Variants in DCC observed in about 807,000 individuals in gnomAD.
The protein encoded by DCC is DCC netrin 1 receptor.
In DCC, 58 loss-of-function variants were observed where a neutral mutation model predicts 172.5. The ratio of observed to expected loss-of-function variants is 0.34; its 90% CI spans 0.27 to 0.42. The LOEUF (loss-of-function observed/expected upper bound fraction) is 0.42. Ranked by LOEUF, DCC falls within the 10% of genes least tolerant of loss-of-function variation. The pLI is 1.00. For synonymous variants in DCC, 709 were observed against 644.5 expected, an observed-to-expected ratio of 1.10 and a Z score of -1.52; for missense variants, 1,740 against 1,791.0, an observed-to-expected ratio of 0.97 and a Z score of 0.51.
chr18:53,363,952 A>G (rs2057974991), intron 15 of DCC, among the ~76,000 whole-genome samples: 1 of 152,212 alleles, frequency 6.6e-6, no homozygotes, highest in Non-Finnish European at 1.5e-5. Context: ...AATGTTCAAG[A>G]TCATTAACGT....
At chr18:53,144,270 G>T (rs899371467) in intron 7 of DCC, among the ~76,000 whole-genome samples, 8 of 152,026 alleles carry the variant, frequency 5.3e-5, no homozygotes, top group African/African-American at 1.9e-4. Flanking sequence ...CTTTTCATGG[G>T]TTCTGGTTTT....
intron 2 of DCC, among the ~76,000 whole-genome samples, chr18:52,869,105 G>A (rs1045550788): frequency 8.5e-5 from 13 of 152,252 alleles, no homozygotes; most frequent in Non-Finnish European, 1.6e-4. Flanking sequence ...CCCTTTGCCT[G>A]CAATGTGGCA....
chr18:53,128,266 GTTTA>G (rs2043594926), intron 7 of DCC, among the ~76,000 whole-genome samples: 1 of 152,008 alleles, frequency 6.6e-6, no homozygotes, highest in Non-Finnish European at 1.5e-5. Context: ...ACATAACCAT[GTTTA>G]TTTGTCTCTA....
intron 27 of DCC, among the ~76,000 whole-genome samples, chr18:53,525,432 T>G (rs2144612621): frequency 6.6e-6 from 1 of 152,226 alleles, no homozygotes; most frequent in Middle Eastern, 3.4e-3. Flanking sequence ...TTTTGATCCC[T>G]AAAGTTCAAG....
chr18:52,421,909 T>C (rs993384743), intron 1 of DCC, among the ~76,000 whole-genome samples: 11 of 152,304 alleles, frequency 7.2e-5, no homozygotes, highest in Middle Eastern at 3.4e-3. Context: ...AACTTCTAAC[T>C]GTCCAAAGCC....
intron 15 of DCC, among the ~76,000 whole-genome samples, chr18:53,371,336 G>A (rs2058058488): frequency 6.6e-6 from 1 of 151,964 alleles, no homozygotes; most frequent in Non-Finnish European, 1.5e-5. Flanking sequence ...AGTTCATCTT[G>A]TCAGAAGTAT....
intron 7 of DCC, among the ~76,000 whole-genome samples, chr18:53,129,332 T>A (rs1330800723): frequency 6.6e-6 from 1 of 152,140 alleles, no homozygotes; most frequent in Non-Finnish European, 1.5e-5. Flanking sequence ...TGAGGCATAA[T>A]TAATATACAA....
At chr18:52,525,883 A>G (rs1037359950) in intron 1 of DCC, among the ~76,000 whole-genome samples, 1 of 152,226 alleles carries the variant, frequency 6.6e-6, no homozygotes, top group African/African-American at 2.4e-5. Context: ...GAGTTATGTT[A>G]TCTTTGTTAG....
chr18:53,471,415 A>G lies in DCC; in HGVS notation c.3736+3405A>G, dbSNP rs138475019. On this transcript the variant is annotated intron_variant, in intron 25 of 28. Transcript: ENST00000442544. ...AGGTCTTATTCATTCTATTTTTTGT[A>G]CCCATTAATCTTCATTAGCCTTTGC... Among the ~76,000 whole-genome samples the G allele has an allele frequency of 6.3e-3, 958 of 152,266 alleles. 7 individuals are homozygous for G. Among genetic ancestry groups the G allele is most frequent in the Non-Finnish European group, 0.011 (751 of 68,006 alleles).
chr18:53,261,748 C>T (rs2056606360), intron 12 of DCC, among the ~76,000 whole-genome samples: 2 of 152,112 alleles, frequency 1.3e-5, no homozygotes, highest in South Asian at 4.1e-4. Flanking sequence ...ATCCACCTGC[C>T]TTGGCCTCCC....
intron 2 of DCC, among the ~76,000 whole-genome samples, chr18:52,818,889 C>T (rs2038353121): frequency 6.6e-6 from 1 of 152,180 alleles, no homozygotes; most frequent in Non-Finnish European, 1.5e-5. Flanking sequence ...AAGTTAGAGA[C>T]TTGAATCATT....
chr18:53,179,672 A>G (rs2055165523), intron 9 of DCC, among the ~76,000 whole-genome samples: 1 of 152,088 alleles, frequency 6.6e-6, no homozygotes, highest in Non-Finnish European at 1.5e-5. Flanking sequence ...TTTTTTTCAC[A>G]AAGTAGAGCA....
At chr18:52,896,589 G>A (rs1031476142) in intron 2 of DCC, among the ~76,000 whole-genome samples, 1 of 152,228 alleles carries the variant, frequency 6.6e-6, no homozygotes, top group Non-Finnish European at 1.5e-5. Flanking sequence ...GTTTGAGGAA[G>A]AGGTGGTAAA....
intron 1 of DCC, among the ~76,000 whole-genome samples, chr18:52,437,964 C>T (rs1262117490): frequency 6.6e-6 from 1 of 152,186 alleles, no homozygotes; most frequent in African/African-American, 2.4e-5. Flanking sequence ...AAATTTTAAG[C>T]TTGACTATCC....
chr18:53,230,927 C>G (rs2056112292), intron 12 of DCC, among the ~76,000 whole-genome samples: 1 of 151,906 alleles, frequency 6.6e-6, no homozygotes, highest in Non-Finnish European at 1.5e-5. Context: ...TTGAAGTCTA[C>G]TTTTCCTTGG....
chr18:52,558,749 A>G (rs56065815), intron 1 of DCC, among the ~76,000 whole-genome samples: 3,070 of 152,238 alleles, frequency 0.02, 111 homozygotes, highest in East Asian at 0.096. Flanking sequence ...AAAAATGAAA[A>G]ACAAAGAGTG....
intron 2 of DCC, among the ~76,000 whole-genome samples, chr18:52,827,414 C>T (rs1442293251): frequency 6.6e-6 from 1 of 152,166 alleles, no homozygotes; most frequent in Non-Finnish European, 1.5e-5. Context: ...TGTGAATTTG[C>T]ATTTGGGAAG....
At chr18:52,378,936 A>G (rs1222848424) in intron 1 of DCC, among the ~76,000 whole-genome samples, 1 of 152,176 alleles carries the variant, frequency 6.6e-6, no homozygotes, top group African/African-American at 2.4e-5. Flanking sequence ...GAGAAAAATA[A>G]TGAATTTTGG....
intron 22 of DCC, among the ~76,000 whole-genome samples, chr18:53,440,057 G>A (rs995348852): frequency 7.3e-5 from 11 of 151,702 alleles, no homozygotes; most frequent in African/African-American, 2.7e-4. Context: ...GAGCCACCGC[G>A]CCCGGCCGTA....
Sources: allele counts gnomAD v4.1 joint callset (sites outside exome capture counted in the v4.1 genomes callset), GRCh38; gene constraint gnomAD v4.1.1; transcripts MANE v1.5; gene names NCBI Gene and HGNC (gene_info 2026-07-23, HGNC 2026-07-21).